Variants in PCDHGA5 observed in about 807,000 individuals in gnomAD.
PCDHGA5 encodes the protein protocadherin gamma-A5.
Under a neutral mutation model 56.7 loss-of-function variants are expected in PCDHGA5, and 36 were observed. The observed-to-expected ratio is 0.64, with a 90% confidence interval of 0.49 to 0.84. PCDHGA5 has a LOEUF of 0.84. Ranked by LOEUF, PCDHGA5 falls within the 40% of genes least tolerant of loss-of-function variation. PCDHGA5 has a pLI of 0.00. For synonymous variants in PCDHGA5, 563 were observed against 520.2 expected, an observed-to-expected ratio of 1.08 and a Z score of -1.12; for missense variants, 1,305 against 1,201.5, an observed-to-expected ratio of 1.09 and a Z score of -1.27.
At chr5:141,375,821 C>T in intron 1 of PCDHGA5, 1 of 1,614,192 alleles carries the variant, frequency 6.2e-7, no homozygotes, top group Non-Finnish European at 8.5e-7. Context: ...GCTGGCGCCC[C>T]GCTCCGCAGA....
At position 141,375,555 on chromosome 5, in the gene PCDHGA5, T is replaced by G. The variant is rs535412919; in HGVS notation, c.2421+8804T>G. 50 of 1,614,076 alleles carry G rather than the reference T, an allele frequency of 3.1e-5. No homozygotes were observed. In the Admixed American group the frequency reaches 5.5e-4, roughly 18 times the overall value. On this transcript the variant is annotated intron_variant, in intron 1 of 3. Transcript: ENST00000518069. ...CAGAACGCCCAAGTCTCCTACTCAC[T>G]GGCAGAAGACACCCTCCAGGGGGCG... is the stretch of plus-strand genomic sequence containing the variant.
intron 2 of PCDHGA5, among the ~76,000 whole-genome samples, chr5:141,496,335 C>G (rs2099768099): frequency 1.3e-5 from 2 of 152,204 alleles, no homozygotes; most frequent in Admixed American, 6.5e-5. Flanking sequence ...AAGTCAGGAG[C>G]CTGGAGGAGT....
rs1763499272 is a variant in PCDHGA5 at position 141,364,717 on chromosome 5, C to A, written c.387C>A (p.Asn129Lys). ...VEVEIIDIND[N>K]FPRFRDEELK... ...TAGAAATAATCGATATTAATGATAA[C>A]TTCCCGCGTTTCCGGGATGAAGAGT... The change falls in exon 1 of 4, where the codon AAC becomes AAA. Residue 129 changes from asparagine to lysine, a missense_variant. By Grantham distance (94) the Asn-to-Lys change is moderately conservative. Coordinates refer to ENST00000518069, the MANE Select transcript of PCDHGA5 (RefSeq NM_018918.3). 6.2e-7 allele frequency: 1 copy of A among 1,613,970 alleles called. No homozygotes were observed. The highest frequency in any genetic ancestry group is 8.5e-7 in the Non-Finnish European group (1 of 1,179,866).
chr5:141,505,625 C>T, intron 3 of PCDHGA5, 144 bp downstream of exon 3: 1 of 1,489,114 alleles, frequency 6.7e-7, no homozygotes, highest in Non-Finnish European at 9.0e-7. Context: ...CCCACAATTC[C>T]AAACATAAAG....
intron 1 of PCDHGA5, chr5:141,441,529 A>C (rs1042479748): frequency 4.6e-5 from 8 of 172,366 alleles, no homozygotes; most frequent in African/African-American, 1.9e-4. Flanking sequence ...GGCCAAGAAC[A>C]ATCTTCCCAA....
In PCDHGA5 at chr5:141,408,826, T is replaced by C. The variant is rs138252575; in HGVS notation, c.2421+42075T>C. ...TAGACCGGGAAGAACAGAGATCTCA[T>C]AGCTTGATATTGACTGCCTTGGACG... On this transcript the variant is annotated intron_variant, in intron 1 of 3. Coordinates refer to ENST00000518069, the MANE Select transcript of PCDHGA5 (RefSeq NM_018918.3). The C allele has an allele frequency of 6.1e-5, 98 of 1,613,582 alleles. No homozygotes were observed. The African/African-American group carries it at 9.9e-4, about 16-fold the overall frequency.
At position 141,486,169 on chromosome 5, in the gene PCDHGA5, A is replaced by G. The variant is rs2099625537; in HGVS notation, c.2422-8638A>G. The G allele has an allele frequency of 1.2e-6, 2 of 1,614,088 alleles. No individual in the cohort carries two copies. Among genetic ancestry groups the G allele is most frequent in the East Asian group, 2.2e-5 (1 of 44,890 alleles). On this transcript the variant is annotated intron_variant, in intron 1 of 3. Transcript: ENST00000518069. The surrounding 1 kb of genome is among the most constrained non-coding windows in gnomAD (Gnocchi z 5.0). ...ATGGGGGTTCTCCAGCCATGGAGCA[A>G]CATTGCAGCCTTCGAGTGGATCTGC...
In PCDHGA5 at chr5:141,421,687, G is replaced by C. The variant is rs763146085; in HGVS notation, c.2421+54936G>C. On this transcript the variant is annotated intron_variant, in intron 1 of 3. Coordinates refer to ENST00000518069, the MANE Select transcript of PCDHGA5 (RefSeq NM_018918.3). ...GCACGCAATTCCTGGGGCGCGATTT[G>C]CTCTTCCTAATGCTAGGGATCCAGA... 1.3e-5 allele frequency: 21 copies of C among 1,613,788 alleles called. No individual in the cohort carries two copies. Among genetic ancestry groups the C allele is most frequent in the Non-Finnish European group, 1.8e-5 (21 of 1,179,860 alleles).
rs73792170 is a variant in PCDHGA5, at chr5:141,365,536, T to C, written c.1206T>C (p.Tyr402=). The C allele has an allele frequency of 3.4e-3, 5,425 of 1,613,776 alleles. 115 individuals are homozygous for C. In the African/African-American group the frequency reaches 0.05, roughly 15 times the overall value. The change falls in exon 1 of 4, where the codon TAT becomes TAC. Residue 402 remains tyrosine (Y), a synonymous_variant. Transcript: ENST00000518069. ...TGGAGAAGTCAGTTGATAATTACTATCACCTATTAACAACTAGGGACCTGG... is the reference window on the plus strand; with the variant it reads ...TGGAGAAGTCAGTTGATAATTACTACCACCTATTAACAACTAGGGACCTGG... ...FKLEKSVDNY[Y]HLLTTRDLDR... is the part of the protein sequence containing the mutation.
intron 1 of PCDHGA5, chr5:141,422,866 G>C: frequency 1.2e-6 from 2 of 1,614,216 alleles, no homozygotes; most frequent in Non-Finnish European, 8.5e-7. Context: ...CAGCAGCAAC[G>C]TGTCGCTGAG....
chr5:141,485,964 T>A lies in PCDHGA5; in HGVS notation c.2422-8843T>A. 1 of 1,614,162 alleles carries A rather than the reference T, an allele frequency of 6.2e-7. No homozygotes were observed. The highest frequency in any genetic ancestry group is 8.5e-7 in the Non-Finnish European group (1 of 1,180,000). On this transcript the variant is annotated intron_variant, in intron 1 of 3. Transcript: ENST00000518069. The surrounding 1 kb of genome is among the most constrained non-coding windows in gnomAD (Gnocchi z 5.7). ...CCAGCGGGCATGGTGCTCATCCAGC[T>A]CAATGCCTCAGACCCGGACCTGGGT...
At chr5:141,389,266 A>C in intron 1 of PCDHGA5, 1 of 1,614,022 alleles carries the variant, frequency 6.2e-7, no homozygotes, top group Non-Finnish European at 8.5e-7. Flanking sequence ...CACGTGGCCG[A>C]GAACAACCCG....
intron 1 of PCDHGA5, among the ~76,000 whole-genome samples, chr5:141,425,841 C>T (rs936781561): frequency 2.0e-5 from 3 of 152,190 alleles, no homozygotes; most frequent in African/African-American, 7.2e-5. Context: ...ATTCTCTTTG[C>T]TGGGTTAATG....
intron 1 of PCDHGA5, chr5:141,374,097 A>G (rs1277096139): frequency 3.2e-6 from 5 of 1,560,098 alleles, no homozygotes; most frequent in Non-Finnish European, 4.3e-6. Flanking sequence ...GCGCCTCCGC[A>G]GAGGCATCCG....
At chr5:141,393,388 C>G (rs775991086) in intron 1 of PCDHGA5, 7 of 1,613,992 alleles carry the variant, frequency 4.3e-6, no homozygotes, top group Non-Finnish European at 5.9e-6. Context: ...GCCATAAACC[C>G]AGAGCTGGTG....
At chr5:141,375,275 GT>G in intron 1 of PCDHGA5, 3 of 1,613,902 alleles carry the variant, frequency 1.9e-6, no homozygotes, top group Non-Finnish European at 1.7e-6. Flanking sequence ...GGAAAAATCA[GT>G]TGGCAATTAT....
intron 1 of PCDHGA5, chr5:141,373,932 C>A: frequency 2.9e-6 from 2 of 688,010 alleles, no homozygotes; most frequent in Non-Finnish European, 4.5e-6. Context: ...GACGGGAAAG[C>A]AGGAAAGCTG....
intron 1 of PCDHGA5, among the ~76,000 whole-genome samples, chr5:141,420,701 T>C (rs371823252): frequency 7.2e-5 from 11 of 152,226 alleles, no homozygotes; most frequent in Admixed American, 5.9e-4. Flanking sequence ...TATTTCCACT[T>C]CCAGAAATGT....
At chr5:141,371,843 TA>T in intron 1 of PCDHGA5, 1 of 1,613,690 alleles carries the variant, frequency 6.2e-7, no homozygotes, top group Non-Finnish European at 8.5e-7. Flanking sequence ...ACTTGGGACC[TA>T]ATGGCCTTGT....
Sources: gnomAD v4.1 joint callset for allele counts (sites outside exome capture counted in the v4.1 genomes callset) on GRCh38, gnomAD v4.1.1 for gene constraint, Gnocchi (gnomAD v3.1) non-coding constraint, MANE v1.5 for transcripts, NCBI Gene and HGNC (gene_info 2026-07-23, HGNC 2026-07-21) for gene names.